PITPNC1: variants seen among roughly 807,000 people sequenced by gnomAD.
PITPNC1 encodes phosphatidylinositol transfer protein cytoplasmic 1.
A neutral mutation model predicts 44.7 loss-of-function variants in PITPNC1; 18 were observed. That is an observed-to-expected ratio of 0.40 (90% CI 0.28 to 0.60). PITPNC1 has a LOEUF of 0.60. Ranked by LOEUF, PITPNC1 falls within the 20% of genes least tolerant of loss-of-function variation. PITPNC1 has a pLI of 0.39. For missense variants in PITPNC1, 290 were observed against 418.4 expected (o/e 0.69, Z 2.68); for synonymous variants, 141 against 149.6 (o/e 0.94, Z 0.42).
intron 1 of PITPNC1, among the ~76,000 whole-genome samples, chr17:67,434,228 A>T (rs1221558910): frequency 6.6e-6 from 1 of 152,196 alleles, no homozygotes; most frequent in African/African-American, 2.4e-5. Flanking sequence ...CAGCTGTGGC[A>T]CCACAGAGTC....
chr17:67,596,694 A>T (rs1223119906), intron 5 of PITPNC1, among the ~76,000 whole-genome samples: 1 of 151,746 alleles, frequency 6.6e-6, no homozygotes, highest in Non-Finnish European at 1.5e-5. Context: ...GGAAGATCAG[A>T]CTCGATTTGC....
At chr17:67,392,620 G>C (rs745935130) in intron 1 of PITPNC1, among the ~76,000 whole-genome samples, 17 of 152,050 alleles carry the variant, frequency 1.1e-4, no homozygotes, top group Admixed American at 2.6e-4. Flanking sequence ...AATTCAAAAT[G>C]ATCAGGAATG....
chr17:67,624,268 G>C (rs2041869409), intron 5 of PITPNC1, among the ~76,000 whole-genome samples: 1 of 131,698 alleles, frequency 7.6e-6, no homozygotes, highest in African/African-American at 2.9e-5. Context: ...CTGGAATGCA[G>C]TGGCACACTC....
At chr17:67,450,930 G>A (rs1306220143) in intron 1 of PITPNC1, among the ~76,000 whole-genome samples, 22 of 152,002 alleles carry the variant, frequency 1.4e-4, no homozygotes, top group Admixed American at 1.4e-3. Flanking sequence ...CCTATTCTAG[G>A]TACCTCATAA....
rs1244313959 is a variant in PITPNC1 at position 67,676,568 on chromosome 17, C to G, written c.682+1026C>G. On this transcript the variant is annotated intron_variant, in intron 8 of 8. Transcript: ENST00000581322. This position sits in a 1 kb window ranked among gnomAD's most constrained non-coding sequence, Gnocchi z 4.0. ...CTTAGGTTAGATCTGATTTTCAGGT[C>G]GATTGTCTAATGAAATGCCCTTCTC... Among the ~76,000 whole-genome samples, 1 of 152,060 alleles carries G rather than the reference C, an allele frequency of 6.6e-6. No homozygotes were observed. Among genetic ancestry groups the G allele is most frequent in the African/African-American group, 2.4e-5 (1 of 41,396 alleles).
chr17:67,600,646 C>T (rs2041528132), intron 5 of PITPNC1, among the ~76,000 whole-genome samples: 1 of 151,814 alleles, frequency 6.6e-6, no homozygotes, highest in South Asian at 2.1e-4. Context: ...CAACCCATTT[C>T]ATAGCACAGA....
Position 67,494,201 on chromosome 17 carries a change from C to CTTTCTTTCTTTCTT in PITPNC1, c.49-38597_49-38584dup, listed in dbSNP as rs1568012950. On this transcript the variant is annotated intron_variant, in intron 1 of 8. Transcript: ENST00000581322. ...TTTCTTTCTTTTTCTTTCTTTCTTT[C>CTTTCTTTCTTTCTT]TTTCTTTCTTTCTTTTTGAGACGTA... Among the ~76,000 whole-genome samples the CTTTCTTTCTTTCTT allele has an allele frequency of 5.1e-4, 74 of 145,796 alleles. 3 individuals carry two copies. The highest frequency in any genetic ancestry group is 1.9e-3 in the African/African-American group (71 of 38,352).
chr17:67,535,090 C>T (rs940462624), intron 2 of PITPNC1, among the ~76,000 whole-genome samples: 2 of 152,224 alleles, frequency 1.3e-5, no homozygotes. Flanking sequence ...CCCAGAGATG[C>T]AGTACCAGGG....
Position 67,407,990 on chromosome 17 carries a change from C to G in PITPNC1, c.48+29788C>G, listed in dbSNP as rs148906982. Among the ~76,000 whole-genome samples, 233 of 151,996 alleles carry G rather than the reference C, an allele frequency of 1.5e-3. 1 individual carries two copies. The highest frequency in any genetic ancestry group is 5.3e-3 in the African/African-American group (219 of 41,516). Reference sequence around the variant, plus strand: ...TTATTTTTTGAGACAGAGTCTTGCTCTGTTGCCCAGGCTGGAGTGCAGTGG... The same window carrying G: ...TTATTTTTTGAGACAGAGTCTTGCTGTGTTGCCCAGGCTGGAGTGCAGTGG... On this transcript the variant is annotated intron_variant, in intron 1 of 8. Coordinates refer to ENST00000581322, the MANE Select transcript of PITPNC1 (RefSeq NM_012417.4).
At position 67,694,711 on chromosome 17, in the gene PITPNC1, TAGTA is replaced by T. The variant is rs1222090416; in HGVS notation, c.*1826_*1829del. 2.0e-5 allele frequency: 3 copies of T among 152,212 alleles called. No homozygotes were observed. The highest frequency in any genetic ancestry group is 7.2e-5 in the African/African-American group (3 of 41,460). 9.4% of individuals were successfully genotyped at this position (152,212 alleles called of 1,614,324 possible). ...CTCTTCCCTAAGAATGATAGTATCT[TAGTA>T]AGACACCTTCTATGCATGGTATGGA... On this transcript the variant is annotated 3_prime_UTR_variant, in exon 9 of 9. Transcript: ENST00000581322.
At chr17:67,436,211 G>A (rs1314378410) in intron 1 of PITPNC1, among the ~76,000 whole-genome samples, 1 of 150,484 alleles carries the variant, frequency 6.6e-6, no homozygotes, top group Non-Finnish European at 1.5e-5. Context: ...TTCTTGCCCA[G>A]GCTGGTCTTA....
chr17:67,668,803 A>AGTGAGC (rs58464415), intron 6 of PITPNC1, among the ~76,000 whole-genome samples: 81,014 of 151,272 alleles, frequency 0.54, 22,661 homozygotes, highest in Non-Finnish European at 0.62. Flanking sequence ...TGGAGCTTGC[A>AGTGAGC]GTGAGCCGAG....
chr17:67,495,181 C>T (rs1223168834), intron 1 of PITPNC1, among the ~76,000 whole-genome samples: 11 of 150,800 alleles, frequency 7.3e-5, no homozygotes, highest in Admixed American at 2.6e-4. Flanking sequence ...CTCAGCCTCC[C>T]GAGTAGCTGG....
intron 1 of PITPNC1, among the ~76,000 whole-genome samples, chr17:67,456,456 T>C (rs1190975232): frequency 1.3e-5 from 2 of 152,220 alleles, no homozygotes; most frequent in Non-Finnish European, 2.9e-5. Flanking sequence ...TTATTTGTCT[T>C]ATTTCATGCT....
At chr17:67,564,022 A>G (rs2040940399) in intron 4 of PITPNC1, among the ~76,000 whole-genome samples, 1 of 151,414 alleles carries the variant, frequency 6.6e-6, no homozygotes, top group Non-Finnish European at 1.5e-5. Context: ...GTAGATAGAT[A>G]GATGATAGAT....
intron 4 of PITPNC1, among the ~76,000 whole-genome samples, chr17:67,568,178 A>G (rs2041006456): frequency 6.6e-6 from 1 of 152,216 alleles, no homozygotes; most frequent in African/African-American, 2.4e-5. Context: ...AGAAAAAGGA[A>G]TGGAGTACCC....
chr17:67,659,911 G>T (rs942849700), intron 6 of PITPNC1, among the ~76,000 whole-genome samples: 3 of 151,762 alleles, frequency 2.0e-5, no homozygotes, highest in Non-Finnish European at 4.4e-5. Context: ...ACAGAGTCTT[G>T]CTCTGTCACC....
chr17:67,598,481 TAGG>T (rs1396291820), intron 5 of PITPNC1, among the ~76,000 whole-genome samples: 3 of 152,120 alleles, frequency 2.0e-5, no homozygotes, highest in Non-Finnish European at 4.4e-5. Context: ...GTGATGGCAT[TAGG>T]AGGTGAGGCC....
At chr17:67,408,937 T>A (rs978219560) in intron 1 of PITPNC1, 25 of 152,214 alleles carry the variant, frequency 1.6e-4, no homozygotes, top group African/African-American at 6.0e-4. Flanking sequence ...AAAACATTCC[T>A]GAATGCAAGG....
Sources: gnomAD v4.1 joint callset for allele counts (sites outside exome capture counted in the v4.1 genomes callset) on GRCh38, gnomAD v4.1.1 for gene constraint, Gnocchi (gnomAD v3.1) non-coding constraint, MANE v1.5 for transcripts, NCBI Gene and HGNC (gene_info 2026-07-23, HGNC 2026-07-21) for gene names.